The following NLGN1 variants were observed in gnomAD, a reference collection of about 807,000 sequenced individuals.
NLGN1 encodes neuroligin-1.
In NLGN1, 12 loss-of-function variants were observed where a neutral mutation model predicts 65.5. That is an observed-to-expected ratio of 0.18 (90% CI 0.12 to 0.30). The LOEUF (loss-of-function observed/expected upper bound fraction) is 0.30, where lower values mean the gene tolerates loss of function less well. Among genes scored for constraint, NLGN1 ranks in the 10% least tolerant of loss-of-function variants. The pLI is 1.00. For missense variants in NLGN1, 750 were observed against 1,007.1 expected (o/e 0.74, Z 3.46); for synonymous variants, 350 against 359.5 (o/e 0.97, Z 0.30).
At chr3:173,828,979 C>G (rs1157531532) in intron 4 of NLGN1, among the ~76,000 whole-genome samples, 1 of 151,974 alleles carries the variant, frequency 6.6e-6, no homozygotes, top group African/African-American at 2.4e-5. Flanking sequence ...GCAATAATGC[C>G]ATGACCTCAG....
intron 3 of NLGN1, among the ~76,000 whole-genome samples, chr3:173,719,281 T>G (rs948763296): frequency 1.3e-5 from 2 of 152,224 alleles, no homozygotes; most frequent in Non-Finnish European, 2.9e-5. Context: ...TTTCCTGGAC[T>G]TAGTTTCCTT....
intron 4 of NLGN1, among the ~76,000 whole-genome samples, chr3:174,164,454 C>G (rs1727137142): frequency 6.6e-6 from 1 of 151,572 alleles, no homozygotes; most frequent in Admixed American, 6.6e-5. Context: ...CAATTTTTGG[C>G]TTTGTTGCGC....
chr3:173,654,738 T>C (rs75874200), intron 3 of NLGN1, among the ~76,000 whole-genome samples: 2,125 of 152,258 alleles, frequency 0.014, 54 homozygotes, highest in African/African-American at 0.048. Flanking sequence ...TTTTCTAAAA[T>C]AAAATCAGCA....
At chr3:173,546,125 T>C (rs1420330768) in intron 2 of NLGN1, among the ~76,000 whole-genome samples, 3 of 152,132 alleles carry the variant, frequency 2.0e-5, no homozygotes, top group Admixed American at 2.0e-4. Flanking sequence ...TGATCAAAGA[T>C]ATGAAGCCCT....
At chr3:173,684,632 A>G (rs544307300) in intron 3 of NLGN1, among the ~76,000 whole-genome samples, 5 of 152,334 alleles carry the variant, frequency 3.3e-5, no homozygotes, top group African/African-American at 1.2e-4. Context: ...AGCTCATGTG[A>G]CGTCCAATTT....
chr3:173,721,362 TG>T (rs1770806218), intron 3 of NLGN1, among the ~76,000 whole-genome samples: 1 of 152,228 alleles, frequency 6.6e-6, no homozygotes, highest in South Asian at 2.1e-4. Context: ...CCAATCTGAA[TG>T]TTTTTTGGTA....
chr3:173,798,764 G>A (rs938401674), intron 3 of NLGN1, among the ~76,000 whole-genome samples: 4 of 151,938 alleles, frequency 2.6e-5, no homozygotes, highest in Non-Finnish European at 5.9e-5. Context: ...TTTCAATTGA[G>A]GTAGTCAATG....
chr3:174,185,867 T>A (rs1731303392), intron 4 of NLGN1, among the ~76,000 whole-genome samples: 1 of 152,060 alleles, frequency 6.6e-6, no homozygotes, highest in South Asian at 2.1e-4. Flanking sequence ...CTTTATATGT[T>A]TATGTTTTGC....
chr3:173,980,479 C>T (rs1278652832), intron 4 of NLGN1, among the ~76,000 whole-genome samples: 2 of 151,880 alleles, frequency 1.3e-5, no homozygotes, highest in African/African-American at 4.8e-5. Flanking sequence ...TGGCCATTCC[C>T]CTTTTGTTTG....
chr3:173,500,141 G>A (rs1002439820), intron 2 of NLGN1, among the ~76,000 whole-genome samples: 12 of 152,102 alleles, frequency 7.9e-5, no homozygotes, highest in African/African-American at 2.9e-4. Flanking sequence ...GTTTTCAAAG[G>A]GAATGCTTCC....
chr3:174,104,332 AC>A (rs1713232967), intron 4 of NLGN1, among the ~76,000 whole-genome samples: 1 of 152,096 alleles, frequency 6.6e-6, no homozygotes, highest in Non-Finnish European at 1.5e-5. Context: ...TTTATTGAGC[AC>A]CTGTTAGATA....
At chr3:173,850,851 C>T (rs1370527509) in intron 4 of NLGN1, among the ~76,000 whole-genome samples, 2 of 152,072 alleles carry the variant, frequency 1.3e-5, no homozygotes, top group Admixed American at 1.3e-4. Context: ...ATCCTCCCAC[C>T]TCAGCCTCCT....
chr3:173,622,166 A>G (rs541761897), intron 3 of NLGN1, among the ~76,000 whole-genome samples: 1 of 152,258 alleles, frequency 6.6e-6, no homozygotes, highest in East Asian at 1.9e-4. Context: ...ACCCACTGCC[A>G]TAGGCTGTCT....
chr3:174,215,253 T>TG (rs577075768), intron 4 of NLGN1, among the ~76,000 whole-genome samples: 2 of 152,222 alleles, frequency 1.3e-5, no homozygotes, highest in South Asian at 4.1e-4. Context: ...AAGACACAAA[T>TG]GGTGTTTAGA....
intron 4 of NLGN1, among the ~76,000 whole-genome samples, chr3:173,994,796 A>G (rs1721928555): frequency 6.6e-6 from 1 of 152,162 alleles, no homozygotes. Context: ...CACCATGAGC[A>G]TTTTACAAAT....
intron 2 of NLGN1, among the ~76,000 whole-genome samples, chr3:173,542,079 C>T (rs1738978724): frequency 6.6e-6 from 1 of 151,928 alleles, no homozygotes; most frequent in Admixed American, 6.6e-5. Flanking sequence ...GTTTGATCCC[C>T]TGCATTAAAT....
At chr3:173,728,322 T>C (rs1411983437) in intron 3 of NLGN1, among the ~76,000 whole-genome samples, 1 of 151,918 alleles carries the variant, frequency 6.6e-6, no homozygotes. Context: ...TACAGGCAAA[T>C]TTTGGCATAT....
chr3:174,257,346 G>A (rs568803152), intron 4 of NLGN1, among the ~76,000 whole-genome samples: 1 of 152,216 alleles, frequency 6.6e-6, no homozygotes, highest in African/African-American at 2.4e-5. Flanking sequence ...AAGAGAATGT[G>A]GCAATTCCTC....
rs1738021617 is a variant in NLGN1 at position 173,539,352 on chromosome 3, CTGTT to C, written c.-320-64924_-320-64921del. 3.3e-5 allele frequency among the ~76,000 whole-genome samples: 5 copies of C among 149,356 alleles called. No individual in the cohort carries two copies. The South Asian group carries it at 1.0e-3, about 31-fold the overall frequency. On this transcript the variant is annotated intron_variant, in intron 2 of 6. Coordinates refer to ENST00000457714, the Ensembl canonical transcript of NLGN1. ...TGCAACTCACTTGTGCTTTCAGGAT[CTGTT>C]TGGGCTCCATCATATATATGTGTAT...
Sources: allele counts gnomAD v4.1 joint callset (sites outside exome capture counted in the v4.1 genomes callset), GRCh38; gene constraint gnomAD v4.1.1; transcripts MANE v1.5; gene names NCBI Gene and HGNC (gene_info 2026-07-23, HGNC 2026-07-21).